ANK2: variants seen among roughly 807,000 people sequenced by gnomAD.
ANK2 encodes ankyrin-2.
A neutral mutation model predicts 360.5 loss-of-function variants in ANK2; 83 were observed. The observed-to-expected ratio is 0.23, with a 90% CI of 0.19 to 0.28. The LOEUF (loss-of-function observed/expected upper bound fraction) is 0.28. Ranked by LOEUF, ANK2 falls within the 10% of genes least tolerant of loss-of-function variation. ANK2 has a pLI of 1.00. For missense variants in ANK2, 4,201 were observed against 4,795.7 expected (o/e 0.88, Z 3.66); for synonymous variants, 1,740 against 1,759.5 (o/e 0.99, Z 0.28).
intron 1 of ANK2, among the ~76,000 whole-genome samples, chr4:113,096,236 G>T (rs1356681801): frequency 6.6e-6 from 1 of 152,154 alleles, no homozygotes; most frequent in African/African-American, 2.4e-5. Context: ...GTTTACAAAA[G>T]TCTCCCAGTC....
At chr4:112,925,397 C>A (rs1402473520) in intron 2 of ANK2, among the ~76,000 whole-genome samples, 1 of 152,174 alleles carries the variant, frequency 6.6e-6, no homozygotes, top group East Asian at 1.9e-4. Context: ...CTATCTGCTA[C>A]AGTACATTGC....
intron 1 of ANK2, chr4:113,151,226 C>A: frequency 1.1e-6 from 1 of 888,310 alleles, no homozygotes; most frequent in Non-Finnish European, 1.6e-6. Context: ...ACCCTTACTG[C>A]AATTGCACAC....
chr4:113,209,721 A>T (rs1025453804), intron 4 of ANK2, among the ~76,000 whole-genome samples: 2 of 152,008 alleles, frequency 1.3e-5, no homozygotes, highest in Non-Finnish European at 2.9e-5. Flanking sequence ...AAATCAAAAC[A>T]TGGAGGTTCC....
intron 1 of ANK2, among the ~76,000 whole-genome samples, chr4:113,061,774 G>A (rs942539485): frequency 6.6e-6 from 1 of 152,008 alleles, no homozygotes; most frequent in African/African-American, 2.4e-5. Flanking sequence ...GAATGAATAG[G>A]ATGTAGTATT....
the ANK2 span, among the ~76,000 whole-genome samples, chr4:112,722,808 C>A: frequency 2.6e-5 from 4 of 151,942 alleles, no homozygotes; most frequent in Admixed American, 2.6e-4. Flanking sequence ...TGTGCTTACC[C>A]CTAGAAAAGG....
At chr4:113,028,410 A>G (rs1490198640) in intron 2 of ANK2, among the ~76,000 whole-genome samples, 1 of 152,182 alleles carries the variant, frequency 6.6e-6, no homozygotes, top group Non-Finnish European at 1.5e-5. Flanking sequence ...TGCAACAAAC[A>G]CACATATTAA....
intron 4 of ANK2, among the ~76,000 whole-genome samples, chr4:113,226,686 CA>C (rs1445899904): frequency 1.3e-5 from 2 of 152,192 alleles, no homozygotes; most frequent in East Asian, 3.8e-4. Flanking sequence ...GAGCTGAACA[CA>C]ATGCCTAGCA....
At chr4:112,944,998 C>A (rs1445717138) in intron 2 of ANK2, among the ~76,000 whole-genome samples, 4 of 152,202 alleles carry the variant, frequency 2.6e-5, no homozygotes, top group Non-Finnish European at 5.9e-5. Flanking sequence ...AACTGTGTAT[C>A]AGTTAGAATG....
chr4:112,976,966 G>A (rs534645164), intron 2 of ANK2, among the ~76,000 whole-genome samples: 11 of 152,298 alleles, frequency 7.2e-5, no homozygotes, highest in Non-Finnish European at 1.6e-4. Context: ...TCAGTTGTAA[G>A]TTCTTGTAAG....
At chr4:112,750,173 C>T in the ANK2 span, among the ~76,000 whole-genome samples, 19 of 152,150 alleles carry the variant, frequency 1.2e-4, no homozygotes, top group African/African-American at 2.9e-4. Context: ...GGCTCACAAC[C>T]GTAATCCCAG....
chr4:112,797,979 G>T, the ANK2 span: 1 of 160,596 alleles, frequency 6.2e-6, no homozygotes, highest in Non-Finnish European at 1.4e-5. Flanking sequence ...TTCTTTGCCG[G>T]CTATCAACAG....
chr4:112,874,672 A>C (rs976739590), intron 1 of ANK2, among the ~76,000 whole-genome samples: 2 of 151,182 alleles, frequency 1.3e-5, no homozygotes, highest in African/African-American at 2.4e-5. Flanking sequence ...AAAAGTGTGA[A>C]TAGCTCCTAA....
chr4:113,125,352 C>T (rs1322451621), intron 1 of ANK2, among the ~76,000 whole-genome samples: 2 of 152,016 alleles, frequency 1.3e-5, no homozygotes, highest in Admixed American at 6.6e-5. Context: ...ATGATTTTTG[C>T]GTTTGAAACA....
Position 113,355,469 on chromosome 4 carries a change from A to T in ANK2, c.6851A>T (p.Asp2284Val), listed in dbSNP as rs2095694996. 1 of 1,614,004 alleles carries T rather than the reference A, an allele frequency of 6.2e-7. No individual in the cohort carries two copies. The highest frequency in any genetic ancestry group is 8.5e-7 in the Non-Finnish European group (1 of 1,179,978). Reference sequence around the variant, plus strand: ...GAAAAAGAGCATCCCACGACCAAAGACATTACTGGTGGCTCTGAAGAGCGA... The same window carrying T: ...GAAAAAGAGCATCCCACGACCAAAGTCATTACTGGTGGCTCTGAAGAGCGA... Reference protein sequence around the residue: ...RSEKEHPTTKDITGGSEERGA... With the variant: ...RSEKEHPTTKVITGGSEERGA... Residue 2284 changes from aspartate to valine, a missense_variant, in exon 38 of 46, where the codon GAC becomes GTC. This residue lies in a region of ANK2 where 2,642 missense variants were observed against 2,714.5 expected (regional missense o/e 0.97). Transcript: ENST00000357077.
intron 2 of ANK2, among the ~76,000 whole-genome samples, chr4:113,042,125 A>G (rs2063113398): frequency 6.6e-6 from 1 of 152,196 alleles, no homozygotes. Context: ...GGCTAGCACC[A>G]TCTACTCCAT....
intron 1 of ANK2, among the ~76,000 whole-genome samples, chr4:113,102,660 G>C (rs140258895): frequency 1.3e-5 from 2 of 152,234 alleles, no homozygotes; most frequent in East Asian, 3.9e-4. Flanking sequence ...CCAAAAGAAG[G>C]AAGAATGTCC....
Position 113,302,793 on chromosome 4 carries a change from T to C in ANK2, c.2502T>C (p.Asn834=). Residue 834 remains asparagine (N), a synonymous_variant, in exon 23 of 46, where the codon AAT becomes AAC. Coordinates refer to ENST00000357077, the MANE Select transcript of ANK2 (RefSeq NM_001148.6). ...CTATTACAGAAAAACACAAACTAAA[T>C]GTACCTGAGACGATGACTGAGGTTC... ...TTTITEKHKL[N]VPETMTEVLD... 1 of 1,613,980 alleles carries C rather than the reference T, an allele frequency of 6.2e-7. No homozygotes were observed.
chr4:113,360,143 G>A (rs2096112765), intron 38 of ANK2, among the ~76,000 whole-genome samples: 1 of 152,148 alleles, frequency 6.6e-6, no homozygotes, highest in Non-Finnish European at 1.5e-5. Flanking sequence ...ATCAGTGGGA[G>A]TTAAACATGA....
intron 1 of ANK2, among the ~76,000 whole-genome samples, chr4:113,056,860 T>A (rs983400265): frequency 7.9e-5 from 12 of 152,174 alleles, no homozygotes; most frequent in African/African-American, 2.9e-4. Context: ...TTATTCATGT[T>A]TTTCTGTTAA....
Sources: gnomAD v4.1 joint callset for allele counts (sites outside exome capture counted in the v4.1 genomes callset) on GRCh38, gnomAD v4.1.1 for gene constraint, gnomAD v4.1.1 regional missense constraint, MANE v1.5 for transcripts, NCBI Gene and HGNC (gene_info 2026-07-23, HGNC 2026-07-21) for gene names.